COL21A1: variants seen among roughly 807,000 people sequenced by gnomAD.
COL21A1 encodes collagen alpha-1(XXI) chain.
A neutral mutation model predicts 137.9 loss-of-function variants in COL21A1; 149 were observed. That is an observed-to-expected ratio of 1.08 (90% CI 0.95 to 1.24). The LOEUF (loss-of-function observed/expected upper bound fraction) is 1.24, where lower values mean the gene tolerates loss of function less well. Among genes scored for constraint, COL21A1 ranks in the 50% most tolerant of loss-of-function variants. The pLI is 0.00. For synonymous variants in COL21A1, 456 were observed against 391.5 expected (o/e 1.16, Z -1.95); for missense variants, 1,167 against 1,158.4 (o/e 1.01, Z -0.11).
In COL21A1 at chr6:56,141,788, G is replaced by T. The variant is rs905441329; in HGVS notation, c.1539C>A (p.Asp513Glu). Residue 513 changes from aspartate (D) to glutamate (E), a missense_variant, in exon 12 of 30, where the codon GAC becomes GAA. Coordinates refer to ENST00000244728, the MANE Select transcript of COL21A1 (RefSeq NM_030820.4). ...GYKGEPGRDGDKGDRGLPGFP... is the reference protein window; with the variant it reads ...GYKGEPGRDGEKGDRGLPGFP... ...TTGCATTTTTGTGTGTGTTTACCTT[G>T]TCACCATCTCGCCCTGGTTCTCCTT... 6.2e-7 allele frequency: 1 copy of T among 1,613,578 alleles called. No individual in the cohort carries two copies. The highest frequency in any genetic ancestry group is 1.1e-5 in the South Asian group (1 of 91,056).
At chr6:56,260,761 T>C (rs917938012) in intron 1 of COL21A1, among the ~76,000 whole-genome samples, 4 of 150,424 alleles carry the variant, frequency 2.7e-5, no homozygotes, top group Non-Finnish European at 5.9e-5. Flanking sequence ...GGAATCAATC[T>C]TGGGGGAAGA....
intron 19 of COL21A1, 80 bp from the exon 20 acceptor site, chr6:56,074,365 T>A (rs1056864818): frequency 1.1e-6 from 1 of 898,822 alleles, no homozygotes; most frequent in African/African-American, 1.7e-5. Context: ...AAGTTACACA[T>A]TCTCATAATT....
chr6:56,102,338 C>T (rs774368793), intron 16 of COL21A1, among the ~76,000 whole-genome samples: 10 of 152,100 alleles, frequency 6.6e-5, no homozygotes, highest in Non-Finnish European at 1.2e-4. Context: ...CATGTACACA[C>T]CCCAGACTTT....
intron 1 of COL21A1, among the ~76,000 whole-genome samples, chr6:56,338,383 G>T (rs1382028153): frequency 6.6e-6 from 1 of 152,114 alleles, no homozygotes; most frequent in Admixed American, 6.5e-5. Context: ...ATACTTCCCA[G>T]AGCACTGGAG....
intron 1 of COL21A1, among the ~76,000 whole-genome samples, chr6:56,197,595 TA>T (rs1196271591): frequency 6.6e-6 from 1 of 152,102 alleles, no homozygotes; most frequent in African/African-American, 2.4e-5. Flanking sequence ...TCAACAGGTA[TA>T]TAAGATGTTC....
intron 1 of COL21A1, among the ~76,000 whole-genome samples, chr6:56,305,791 T>C (rs11962489): frequency 0.27 from 40,059 of 150,794 alleles, 6,729 homozygotes; most frequent in Non-Finnish European, 0.38. Context: ...TGTTAGCTGG[T>C]TATTTTGCTT....
chr6:56,238,015 G>A (rs1782026151), intron 1 of COL21A1, among the ~76,000 whole-genome samples: 3 of 151,776 alleles, frequency 2.0e-5, no homozygotes, highest in Admixed American at 1.3e-4. Flanking sequence ...AAAAATTTAT[G>A]TACATTACAT....
rs1458632391 is a variant in COL21A1 at position 56,325,690 on chromosome 6, A to ATTATATATTATAATAT, written c.-39+68280_-39+68281insATATTATAATATATAA. Among the ~76,000 whole-genome samples, 4 of 934 alleles carry ATTATATATTATAATAT rather than the reference A, an allele frequency of 4.3e-3. 2 individuals are homozygous for ATTATATATTATAATAT. The highest frequency in any genetic ancestry group is 0.028 in the Non-Finnish European group (4 of 144). 0.6% of individuals were successfully genotyped at this position (934 alleles called of 152,430 possible). A position where few individuals can be genotyped will look rare whatever the true frequency, so the allele number is the denominator to read the frequency against. ...ATATATTATATATAATAGATAATAT[A>ATTATATATTATAATAT]AATATATATAATATATAATATATGT... On this transcript the variant is annotated intron_variant, in intron 1 of 28. Coordinates refer to the COL21A1 transcript ENST00000370819.
rs761169667 is a variant in COL21A1, at chr6:56,060,910, G to C, written c.2333C>G (p.Pro778Arg). ...QPGDPGPQGPPGLDGKPGREF... is the reference protein window; with the variant it reads ...QPGDPGPQGPRGLDGKPGREF... ...ACATACGGGCTTCCCATCCAAACCTGGGGGTCCCTGAGGACCTGGATCCCC... is the reference window on the plus strand; with the variant it reads ...ACATACGGGCTTCCCATCCAAACCTCGGGGTCCCTGAGGACCTGGATCCCC... The change falls in exon 26 of 30, where the codon CCA becomes CGA. Residue 778 changes from proline (P) to arginine (R), a missense_variant. By Grantham distance (103) the Pro-to-Arg change is moderately radical. Coordinates refer to ENST00000244728, the MANE Select transcript of COL21A1 (RefSeq NM_030820.4). The C allele has an allele frequency of 2.5e-6, 4 of 1,577,178 alleles. No homozygotes were observed. The African/African-American group carries it at 5.5e-5, about 22-fold the overall frequency.
At chr6:56,289,479 C>A (rs181247264) in intron 1 of COL21A1, among the ~76,000 whole-genome samples, 1 of 152,198 alleles carries the variant, frequency 6.6e-6, no homozygotes, top group East Asian at 1.9e-4. Context: ...CATTATGGGA[C>A]TATTTTCTCT....
At chr6:56,100,926 C>T (rs1770402983) in intron 17 of COL21A1, among the ~76,000 whole-genome samples, 1 of 152,048 alleles carries the variant, frequency 6.6e-6, no homozygotes, top group South Asian at 2.1e-4. Flanking sequence ...AGGGTAGGTA[C>T]CTTTGATGAA....
intron 1 of COL21A1, among the ~76,000 whole-genome samples, chr6:56,295,555 G>T (rs1443370805): frequency 1.3e-5 from 2 of 151,860 alleles, no homozygotes; most frequent in Non-Finnish European, 2.9e-5. Context: ...TTAATATTGA[G>T]TCTTCCTTTC....
At chr6:56,369,997 T>C (rs1233732436) in intron 1 of COL21A1, among the ~76,000 whole-genome samples, 1 of 152,202 alleles carries the variant, frequency 6.6e-6, no homozygotes, top group Admixed American at 6.5e-5. Context: ...GTTGTAATTA[T>C]TCAAAAATAT....
At chr6:56,066,338 G>A (rs1766243225) in intron 23 of COL21A1, among the ~76,000 whole-genome samples, 1 of 151,818 alleles carries the variant, frequency 6.6e-6, no homozygotes, top group African/African-American at 2.4e-5. Context: ...TTATAATTGT[G>A]GATATAGCAA....
intron 12 of COL21A1, among the ~76,000 whole-genome samples, chr6:56,132,531 A>C (rs896283115): frequency 6.6e-6 from 1 of 152,222 alleles, no homozygotes; most frequent in Non-Finnish European, 1.5e-5. Context: ...ACAGAATGTA[A>C]AGCCAAAACA....
chr6:56,194,761 T>C (rs1404223621), intron 1 of COL21A1, among the ~76,000 whole-genome samples: 1 of 152,182 alleles, frequency 6.6e-6, no homozygotes, highest in Non-Finnish European at 1.5e-5. Flanking sequence ...CTTATTAAAA[T>C]GTAGATACTG....
At chr6:56,269,452 G>A (rs997624091) in intron 1 of COL21A1, among the ~76,000 whole-genome samples, 3 of 151,560 alleles carry the variant, frequency 2.0e-5, no homozygotes, top group Non-Finnish European at 2.9e-5. Flanking sequence ...TCAGGAGATC[G>A]AGACCATCCC....
chr6:56,084,167 C>G (rs1011356103), intron 17 of COL21A1, among the ~76,000 whole-genome samples: 8 of 151,536 alleles, frequency 5.3e-5, no homozygotes, highest in Non-Finnish European at 7.4e-5. Flanking sequence ...AGTAGTCACA[C>G]TTATAGGGAT....
At chr6:56,185,213 A>G (rs1778186194) in intron 1 of COL21A1, among the ~76,000 whole-genome samples, 2 of 151,970 alleles carry the variant, frequency 1.3e-5, no homozygotes, top group African/African-American at 2.4e-5. Flanking sequence ...AGGTATAAAA[A>G]ACTATGAAAT....
Sources: allele counts gnomAD v4.1 joint callset (sites outside exome capture counted in the v4.1 genomes callset), GRCh38; gene constraint gnomAD v4.1.1; transcripts MANE v1.5; gene names NCBI Gene and HGNC (gene_info 2026-07-23, HGNC 2026-07-21).